The following TAFA5 variants were observed in gnomAD, a reference collection of about 807,000 sequenced individuals.
The protein encoded by TAFA5 is chemokine-like protein TAFA-5.
In TAFA5, 6 loss-of-function variants were observed where a neutral mutation model predicts 15.3. That is an observed-to-expected ratio of 0.39 (90% confidence interval 0.21 to 0.77). TAFA5 has a LOEUF of 0.77. Ranked by LOEUF, TAFA5 falls within the 30% of genes least tolerant of loss-of-function variation. The probability of loss-of-function intolerance (pLI) is 0.41; values close to 1 mark genes in which losing one functional copy is unlikely to be tolerated. For synonymous variants in TAFA5, 103 were observed against 80.7 expected (o/e 1.28, Z -1.48); for missense variants, 161 against 193.1 (o/e 0.83, Z 0.98).
intron 2 of TAFA5, among the ~76,000 whole-genome samples, chr22:48,697,340 G>GTGA (rs886418731): frequency 1.8e-3 from 260 of 147,970 alleles, no homozygotes; most frequent in African/African-American, 5.5e-3. Flanking sequence ...GGTGACAGTG[G>GTGA]TGATGATGAT....
At chr22:48,492,129 C>CT (rs1407825997) in intron 1 of TAFA5, among the ~76,000 whole-genome samples, 1 of 147,524 alleles carries the variant, frequency 6.8e-6, no homozygotes, top group Non-Finnish European at 1.5e-5. Context: ...AAAAAAAATC[C>CT]CCCCCCCTTT....
At chr22:48,739,578 T>C (rs1930122712) in intron 3 of TAFA5, among the ~76,000 whole-genome samples, 1 of 151,934 alleles carries the variant, frequency 6.6e-6, no homozygotes, top group Admixed American at 6.6e-5. Flanking sequence ...GGTGGGTGAG[T>C]GGCCGGCACT....
chr22:48,572,002 C>A (rs1017035005), intron 1 of TAFA5, among the ~76,000 whole-genome samples: 1 of 152,032 alleles, frequency 6.6e-6, no homozygotes, highest in Admixed American at 6.6e-5. Flanking sequence ...TCTTGTTTGC[C>A]TTTTCTCCCC....
intron 3 of TAFA5, among the ~76,000 whole-genome samples, chr22:48,743,461 T>A (rs1353611469): frequency 6.6e-6 from 1 of 152,234 alleles, no homozygotes; most frequent in Non-Finnish European, 1.5e-5. Context: ...CGATCACATC[T>A]GCTAGAACCT....
At chr22:48,666,459 G>A (rs982236582) in intron 2 of TAFA5, among the ~76,000 whole-genome samples, 2 of 152,252 alleles carry the variant, frequency 1.3e-5, no homozygotes, top group Non-Finnish European at 2.9e-5. Context: ...CTCTCTTATT[G>A]GCAAGGTCCA....
chr22:48,632,243 G>A (rs908534930), intron 1 of TAFA5, among the ~76,000 whole-genome samples: 2 of 152,164 alleles, frequency 1.3e-5, no homozygotes, highest in African/African-American at 4.8e-5. Flanking sequence ...CCTACCATGG[G>A]CCTGCCTGGT....
chr22:48,574,871 C>T (rs1923706499), intron 1 of TAFA5, among the ~76,000 whole-genome samples: 2 of 152,216 alleles, frequency 1.3e-5, no homozygotes, highest in African/African-American at 4.8e-5. Flanking sequence ...AAGACCCTTT[C>T]TTCCTAGAGG....
intron 1 of TAFA5, among the ~76,000 whole-genome samples, chr22:48,534,886 C>T (rs575960982): frequency 2.3e-4 from 35 of 152,224 alleles, no homozygotes; most frequent in Non-Finnish European, 1.5e-5. Flanking sequence ...AGGTCGGTGC[C>T]CATTGTTTGT....
At chr22:48,700,937 A>G (rs1039003536) in intron 2 of TAFA5, among the ~76,000 whole-genome samples, 6 of 152,126 alleles carry the variant, frequency 3.9e-5, no homozygotes, top group African/African-American at 1.4e-4. Flanking sequence ...GCCCAGCCCT[A>G]CTTCAGGCTG....
Position 48,566,660 on chromosome 22 carries a change from C to T in TAFA5, c.112+76956C>T, listed in dbSNP as rs1379141296. Among the ~76,000 whole-genome samples, 3 of 152,168 alleles carry T rather than the reference C, an allele frequency of 2.0e-5. No individual in the cohort carries two copies. The highest frequency in any genetic ancestry group is 1.3e-4 in the Admixed American group (2 of 15,280). On this transcript the variant is annotated intron_variant, in intron 1 of 3. Coordinates refer to ENST00000402357, the MANE Select transcript of TAFA5 (RefSeq NM_001082967.3). This position sits in a 1 kb window ranked among gnomAD's most constrained non-coding sequence, Gnocchi z 4.5. Reference sequence around the variant, plus strand: ...TGCTGAGCTGCCTCAGCCTTAGTTTCCTCAGCAATACGTTGGGGGGTGGGG... The same window carrying T: ...TGCTGAGCTGCCTCAGCCTTAGTTTTCTCAGCAATACGTTGGGGGGTGGGG...
At chr22:48,517,138 T>A (rs1921438921) in intron 1 of TAFA5, among the ~76,000 whole-genome samples, 1 of 151,998 alleles carries the variant, frequency 6.6e-6, no homozygotes, top group Admixed American at 6.5e-5. Context: ...CCCCGGAAGC[T>A]CCTGCTCTCC....
intron 1 of TAFA5, among the ~76,000 whole-genome samples, chr22:48,612,227 A>G (rs1425179945): frequency 6.6e-6 from 1 of 152,152 alleles, no homozygotes; most frequent in African/African-American, 2.4e-5. Flanking sequence ...ATCCTTATAG[A>G]AACAAAGTCC....
At chr22:48,654,747 G>A (rs1927179168) in intron 2 of TAFA5, among the ~76,000 whole-genome samples, 1 of 152,216 alleles carries the variant, frequency 6.6e-6, no homozygotes, top group Non-Finnish European at 1.5e-5. Flanking sequence ...GGAAAAGGAA[G>A]GGGAGGGCTG....
At chr22:48,731,570 C>T (rs1054900057) in intron 3 of TAFA5, among the ~76,000 whole-genome samples, 2 of 152,216 alleles carry the variant, frequency 1.3e-5, no homozygotes, top group African/African-American at 2.4e-5. Flanking sequence ...ATTCTGAAAA[C>T]CCCAGGTCCT....
chr22:48,712,356 C>G (rs1444804971), intron 3 of TAFA5, among the ~76,000 whole-genome samples: 2 of 152,202 alleles, frequency 1.3e-5, no homozygotes, highest in African/African-American at 4.8e-5. Flanking sequence ...CGTGCCGGCC[C>G]AAGATCACTG....
intron 1 of TAFA5, among the ~76,000 whole-genome samples, chr22:48,585,102 G>T (rs1439856749): frequency 1.0e-5 from 1 of 99,736 alleles, no homozygotes. Flanking sequence ...CACACACCAC[G>T]CACACACACA....
chr22:48,680,362 G>A (rs963693625), intron 2 of TAFA5, among the ~76,000 whole-genome samples: 41 of 152,216 alleles, frequency 2.7e-4, no homozygotes, highest in African/African-American at 9.6e-4. Flanking sequence ...TTAGTGCACA[G>A]CCTCCTGCTG....
intron 1 of TAFA5, among the ~76,000 whole-genome samples, chr22:48,570,410 A>G (rs1485108176): frequency 6.6e-6 from 1 of 152,208 alleles, no homozygotes; most frequent in Non-Finnish European, 1.5e-5. Context: ...TACAATGACA[A>G]AGGAAAGTTC....
intron 1 of TAFA5, among the ~76,000 whole-genome samples, chr22:48,509,988 A>T (rs375506933): frequency 3.7e-4 from 56 of 152,012 alleles, no homozygotes; most frequent in African/African-American, 1.3e-3. Context: ...GAAAAAAGAA[A>T]AAAAGAAAGA....
Sources: gnomAD v4.1 joint callset for allele counts (sites outside exome capture counted in the v4.1 genomes callset) on GRCh38, gnomAD v4.1.1 for gene constraint, Gnocchi (gnomAD v3.1) non-coding constraint, MANE v1.5 for transcripts, NCBI Gene and HGNC (gene_info 2026-07-23, HGNC 2026-07-21) for gene names.